Variants in SYNJ2BP observed in about 807,000 individuals in gnomAD.
SYNJ2BP encodes synaptojanin 2 binding protein.
In SYNJ2BP, 10 loss-of-function variants were observed where a neutral mutation model predicts 16.9. The observed-to-expected ratio is 0.59, with a 90% CI of 0.36 to 1.00. The LOEUF (loss-of-function observed/expected upper bound fraction) is 1.00, where lower values mean the gene tolerates loss of function less well. Among genes scored for constraint, SYNJ2BP ranks in the 50% least tolerant of loss-of-function variants. The pLI, the probability that SYNJ2BP is intolerant of heterozygous loss-of-function variation, is 0.01. For synonymous variants in SYNJ2BP, 54 were observed against 68.4 expected, an observed-to-expected ratio of 0.79 and a Z score of 1.04; for missense variants, 162 against 186.7, an observed-to-expected ratio of 0.87 and a Z score of 0.77.
intron 2 of SYNJ2BP, among the ~76,000 whole-genome samples, chr14:70,387,388 G>C (rs1000003707): frequency 6.6e-6 from 1 of 152,212 alleles, no homozygotes; most frequent in African/African-American, 2.4e-5. Context: ...CATTTTAATA[G>C]TTTTGACTGT....
At chr14:70,406,978 G>A (rs1399191317) in intron 1 of SYNJ2BP, among the ~76,000 whole-genome samples, 1 of 152,132 alleles carries the variant, frequency 6.6e-6, no homozygotes, top group Non-Finnish European at 1.5e-5. Flanking sequence ...AACCCATTGG[G>A]TGATTACACC....
At chr14:70,414,086 T>G (rs534409782) in intron 1 of SYNJ2BP, among the ~76,000 whole-genome samples, 1 of 152,312 alleles carries the variant, frequency 6.6e-6, no homozygotes, top group East Asian at 1.9e-4. Flanking sequence ...CTATATATCT[T>G]CATGATGATA....
intron 1 of SYNJ2BP, among the ~76,000 whole-genome samples, chr14:70,413,883 T>C (rs1481456952): frequency 6.6e-6 from 1 of 152,196 alleles, no homozygotes; most frequent in African/African-American, 2.4e-5. Context: ...TCGGATCTGA[T>C]TAAACATCAG....
intron 1 of SYNJ2BP, among the ~76,000 whole-genome samples, chr14:70,412,633 C>CAGTATATATATGTATATATAGTATA (rs1386070231): frequency 9.1e-5 from 5 of 55,052 alleles, no homozygotes; most frequent in Non-Finnish European, 1.8e-4. Flanking sequence ...TATATAGTAA[C>CAGTATATATATGTATATATAGTATA]TAGCACACTA....
intron 1 of SYNJ2BP, among the ~76,000 whole-genome samples, chr14:70,410,983 A>G (rs1442698682): frequency 6.6e-6 from 1 of 152,208 alleles, no homozygotes; most frequent in African/African-American, 2.4e-5. Flanking sequence ...ACAAACCTAT[A>G]CATGTACCCC....
rs147171485 is a variant in SYNJ2BP at position 70,415,416 on chromosome 14, C to G, written c.64+1484G>C. On this transcript the variant is annotated intron_variant, in intron 1 of 3. Coordinates refer to ENST00000256366, the MANE Select transcript of SYNJ2BP (RefSeq NM_018373.3). ...ATACAAAAAAATTAGCCGGGCGTGG[C>G]AGTGCACACCCATGGTATCGGTTAC... Among the ~76,000 whole-genome samples the G allele has an allele frequency of 3.0e-3, 454 of 151,346 alleles. 1 individual carries two copies. The highest frequency in any genetic ancestry group is 0.01 in the African/African-American group (425 of 41,292).
intron 1 of SYNJ2BP, among the ~76,000 whole-genome samples, chr14:70,402,195 C>T (rs553034815): frequency 1.3e-5 from 2 of 152,186 alleles, no homozygotes; most frequent in African/African-American, 4.8e-5. Context: ...TTTGAGAGTA[C>T]CAGAGATTAC....
intron 2 of SYNJ2BP, among the ~76,000 whole-genome samples, chr14:70,381,146 A>G (rs1030747710): frequency 1.3e-5 from 2 of 152,314 alleles, no homozygotes; most frequent in South Asian, 4.1e-4. Context: ...TAGTAGCTTT[A>G]CCTGCCAATG....
intron 1 of SYNJ2BP, among the ~76,000 whole-genome samples, chr14:70,414,481 T>G (rs1888559009): frequency 6.6e-6 from 1 of 152,202 alleles, no homozygotes; most frequent in Non-Finnish European, 1.5e-5. Flanking sequence ...ATACTAACAC[T>G]AGGAAATTTA....
At chr14:70,388,347 C>A in intron 2 of SYNJ2BP, 123 bp downstream of exon 2, 1 of 1,322,244 alleles carries the variant, frequency 7.6e-7, no homozygotes, top group East Asian at 2.9e-5. Context: ...AAGTTGTTCC[C>A]ATTCAACTCT....
intron 3 of SYNJ2BP, among the ~76,000 whole-genome samples, chr14:70,374,861 T>C (rs778572537): frequency 4.3e-4 from 66 of 152,274 alleles, no homozygotes; most frequent in Middle Eastern, 3.4e-3. Context: ...AAAAGTAAAA[T>C]TGGCTACGTT....
chr14:70,375,574 G>C, intron 3 of SYNJ2BP, 102 bp downstream of exon 3: 4 of 1,410,296 alleles, frequency 2.8e-6, no homozygotes, highest in Non-Finnish European at 3.8e-6. Context: ...AGGGGAGTGA[G>C]GGTAAAACAA....
chr14:70,393,287 A>T (rs759399017), intron 1 of SYNJ2BP, among the ~76,000 whole-genome samples: 10 of 152,242 alleles, frequency 6.6e-5, no homozygotes, highest in African/African-American at 9.6e-5. Flanking sequence ...GCGATCATTA[A>T]AAAGTCTGGA....
intron 1 of SYNJ2BP, among the ~76,000 whole-genome samples, chr14:70,409,093 T>C (rs1202353184): frequency 6.6e-6 from 1 of 152,176 alleles, no homozygotes; most frequent in Non-Finnish European, 1.5e-5. Context: ...CTTTGTTTTG[T>C]TGGCAGAGAT....
intron 1 of SYNJ2BP, among the ~76,000 whole-genome samples, chr14:70,403,715 C>T (rs1888289064): frequency 6.6e-6 from 1 of 152,244 alleles, no homozygotes; most frequent in African/African-American, 2.4e-5. Flanking sequence ...GGGCAACCAG[C>T]AGCTCTCAGG....
chr14:70,397,681 T>C (rs576485601), intron 1 of SYNJ2BP, among the ~76,000 whole-genome samples: 11 of 152,222 alleles, frequency 7.2e-5, no homozygotes, highest in Non-Finnish European at 1.5e-4. Flanking sequence ...GTCACAGCCC[T>C]GGCTCAGGGA....
At chr14:70,398,196 C>T (rs192033301) in intron 1 of SYNJ2BP, among the ~76,000 whole-genome samples, 9 of 152,220 alleles carry the variant, frequency 5.9e-5, no homozygotes, top group East Asian at 1.9e-4. Context: ...AAGTGTATGC[C>T]GACTGGTCCA....
rs1887527488 is a variant in SYNJ2BP at position 70,371,997 on chromosome 14, A to G, written c.*994T>C. 6.6e-6 allele frequency: 1 copy of G among 152,166 alleles called. No individual in the cohort carries two copies. Among genetic ancestry groups the G allele is most frequent in the African/African-American group, 2.4e-5 (1 of 41,438 alleles). The allele number at this position is 152,166 out of a possible 1,614,324, so 9.4% of individuals were successfully genotyped here. On this transcript the variant is annotated 3_prime_UTR_variant, in exon 4 of 4. Transcript: ENST00000256366. ...GGCAGCCCAGAGATTGGTACGATTT[A>G]CCTTTACACCTCAAAGTTTTTTAGA...
intron 2 of SYNJ2BP, among the ~76,000 whole-genome samples, chr14:70,379,974 A>ATACTGGGCT (rs1887712590): frequency 1.3e-5 from 2 of 152,236 alleles, no homozygotes; most frequent in East Asian, 3.8e-4. Context: ...TGGGCTTAAA[A>ATACTGGGCT]TAATCTTTGC....
Sources: allele counts gnomAD v4.1 joint callset (sites outside exome capture counted in the v4.1 genomes callset), GRCh38; gene constraint gnomAD v4.1.1; transcripts MANE v1.5; gene names NCBI Gene and HGNC (gene_info 2026-07-23, HGNC 2026-07-21).